HNRNPA2B1: variants seen among roughly 807,000 people sequenced by gnomAD.
The protein encoded by HNRNPA2B1 is heterogeneous nuclear ribonucleoproteins A2/B1.
A neutral mutation model predicts 46.3 loss-of-function variants in HNRNPA2B1; 3 were observed. That is an observed-to-expected ratio of 0.06 (90% confidence interval 0.03 to 0.17). HNRNPA2B1 has a LOEUF of 0.17. HNRNPA2B1 is among the 10% of genes least tolerant of loss of function. The pLI is 1.00. For missense variants in HNRNPA2B1, 221 were observed against 418.9 expected (o/e 0.53, Z 4.12); for synonymous variants, 225 against 133.8 (o/e 1.68, Z -4.70).
rs2128120778 is a variant in HNRNPA2B1, at chr7:26,196,312, T to C, written c.658+89A>G. ...GAAGTCTTAGGAAAATTGACTTAGG[T>C]TGGATTTCTTGATTCTACTAATGAA... On this transcript the variant is annotated intron_variant, in intron 6 of 10. Coordinates refer to ENST00000618183, the MANE Select transcript of HNRNPA2B1 (RefSeq NM_002137.4). 1.4e-5 allele frequency: 15 copies of C among 1,074,994 alleles called. No homozygotes were observed. The South Asian group carries it at 2.1e-4, about 15-fold the overall frequency. The allele number at this position is 1,074,994 out of a possible 1,614,324, so 66.6% of individuals were successfully genotyped here.
intron 7 of HNRNPA2B1, among the ~76,000 whole-genome samples, chr7:26,195,522 T>G (rs1036188126): frequency 6.6e-6 from 1 of 152,212 alleles, no homozygotes; most frequent in African/African-American, 2.4e-5. Flanking sequence ...ACCACCCCCT[T>G]AGGTTTTACT....
intron 7 of HNRNPA2B1, among the ~76,000 whole-genome samples, chr7:26,194,119 G>A (rs776030883): frequency 6.6e-6 from 1 of 152,140 alleles, no homozygotes; most frequent in Non-Finnish European, 1.5e-5. Flanking sequence ...TTCTCGGTTG[G>A]GCACAGTGGC....
At position 26,190,382 on chromosome 7, in the gene HNRNPA2B1, G is replaced by C. The variant is rs1196791620; in HGVS notation, c.*1978C>G. The stretch of plus-strand genomic sequence containing the variant: ...AAGGCACCAACAAGAACTACTTTCA[G>C]ATGGTACAGAATTTCTTATTTCTTG... On this transcript the variant is annotated 3_prime_UTR_variant, in exon 11 of 11. Transcript: ENST00000618183. 1.3e-5 allele frequency: 2 copies of C among 152,604 alleles called. No individual in the cohort carries two copies. Among genetic ancestry groups the C allele is most frequent in the African/African-American group, 4.8e-5 (2 of 41,444 alleles). 9.5% of individuals were successfully genotyped at this position (152,604 alleles called of 1,614,324 possible).
At chr7:26,195,247 G>A (rs909487013) in intron 7 of HNRNPA2B1, among the ~76,000 whole-genome samples, 11 of 151,636 alleles carry the variant, frequency 7.3e-5, no homozygotes, top group African/African-American at 2.4e-4. Context: ...CATGCCTATT[G>A]AGTGGCAACA....
At chr7:26,197,293 A>T in intron 3 of HNRNPA2B1, 22 bp downstream of exon 3, 2 of 1,592,022 alleles carry the variant, frequency 1.3e-6, no homozygotes, top group Non-Finnish European at 1.7e-6. Flanking sequence ...GTTAATGCAC[A>T]AGACAGTCAT....
In HNRNPA2B1 at chr7:26,193,971, T is replaced by C. The variant is rs76558212; in HGVS notation, c.722-277A>G. Among the ~76,000 whole-genome samples, 2,891 of 152,328 alleles carry C rather than the reference T, an allele frequency of 0.019. 81 individuals are homozygous for C. Among genetic ancestry groups the C allele is most frequent in the East Asian group, 0.1 (532 of 5,178 alleles). ...ATCTTAAGTATCTTGAAATACTTCATGTATATTGTGGGTAAGGACTGTGAG... is the reference window on the plus strand; with the variant it reads ...ATCTTAAGTATCTTGAAATACTTCACGTATATTGTGGGTAAGGACTGTGAG... On this transcript the variant is annotated intron_variant, in intron 7 of 10. Transcript: ENST00000618183.
intron 6 of HNRNPA2B1, among the ~76,000 whole-genome samples, chr7:26,196,113 CT>C (rs1322784098): frequency 6.6e-6 from 1 of 152,198 alleles, no homozygotes; most frequent in African/African-American, 2.4e-5. Flanking sequence ...AAGTCTCAAT[CT>C]TAGAGATTCC....
rs1305867367 is a variant in HNRNPA2B1 at position 26,193,367 on chromosome 7, T to A, written c.848A>T (p.Tyr283Phe). ...GGYDNYGGGN[Y>F]GSGNYNDFGN... ...AAAATCATTGTAATTTCCACTTCCA[T>A]AATTTCCTATTAAAAAATTGGAATA... Residue 283 changes from tyrosine to phenylalanine, a missense_variant, in exon 9 of 11, where the codon TAT becomes TTT. Tyr to Phe is a conservative substitution (Grantham distance 22). Around this residue, in one of 2 missense-constraint regions of HNRNPA2B1, gnomAD observed 143 missense variants for 200.5 expected, o/e 0.71. Coordinates refer to ENST00000618183, the MANE Select transcript of HNRNPA2B1 (RefSeq NM_002137.4). 1.9e-6 allele frequency: 3 copies of A among 1,610,124 alleles called. No homozygotes were observed.
At chr7:26,198,121 A>C in intron 1 of HNRNPA2B1, 2 of 343,824 alleles carry the variant, frequency 5.8e-6, no homozygotes, top group Non-Finnish European at 1.0e-5. Flanking sequence ...TCAACCCTAC[A>C]ACCTAAAAAC....
intron 1 of HNRNPA2B1, 139 bp downstream of exon 1, chr7:26,200,433 A>G (rs1280544871): frequency 1.2e-6 from 1 of 860,008 alleles, no homozygotes; most frequent in Non-Finnish European, 2.0e-6. Flanking sequence ...GACCCCGTTC[A>G]TAAACCTTAA....
At chr7:26,200,449 A>G (rs1259021731) in intron 1 of HNRNPA2B1, 123 bp downstream of exon 1, 10 of 939,024 alleles carry the variant, frequency 1.1e-5, no homozygotes, top group African/African-American at 8.0e-5. Context: ...CTTAAGCCCC[A>G]CTGCTACTGA....
rs1782866286 is a variant in HNRNPA2B1 at position 26,191,126 on chromosome 7, A to G, written c.*1234T>C. On this transcript the variant is annotated 3_prime_UTR_variant, in exon 11 of 11. Transcript: ENST00000618183. ...ATATACTTGTCCATGGTTCATATCAATGCTAAAATTCCGGCAGGGAAAAAA... is the reference window on the plus strand; with the variant it reads ...ATATACTTGTCCATGGTTCATATCAGTGCTAAAATTCCGGCAGGGAAAAAA... The G allele has an allele frequency of 6.8e-6, 1 of 146,118 alleles. No individual in the cohort carries two copies. Among genetic ancestry groups the G allele is most frequent in the Non-Finnish European group, 1.5e-5 (1 of 65,996 alleles). The allele number at this position is 146,118 out of a possible 1,614,324, so 9.1% of individuals were successfully genotyped here. A position where few individuals can be genotyped will look rare whatever the true frequency, so the allele number is the denominator to read the frequency against.
At position 26,191,616 on chromosome 7, in the gene HNRNPA2B1, CTT is replaced by C. The variant is rs1414850116; in HGVS notation, c.*742_*743del. On this transcript the variant is annotated 3_prime_UTR_variant, in exon 11 of 11. Transcript: ENST00000618183. ...AAGAGTACCTCGCTGGGGTTATTTCCTTTCCTTGCATTGAAGAAGCAGCATCT... is the reference window on the plus strand; with the variant it reads ...AAGAGTACCTCGCTGGGGTTATTTCCTCCTTGCATTGAAGAAGCAGCATCT... 1.3e-5 allele frequency: 2 copies of C among 152,172 alleles called. No individual in the cohort carries two copies. Among genetic ancestry groups the C allele is most frequent in the African/African-American group, 4.8e-5 (2 of 41,456 alleles). 9.4% of individuals were successfully genotyped at this position (152,172 alleles called of 1,614,324 possible).
rs1184184000 is a variant in HNRNPA2B1 at position 26,200,594 on chromosome 7, T to G, written c.-17A>C. On this transcript the variant is annotated 5_prime_UTR_variant, in exon 1 of 11. Coordinates refer to ENST00000618183, the MANE Select transcript of HNRNPA2B1 (RefSeq NM_002137.4). ...TACCTCCATCGCGGACTCAGTCGCT[T>G]CAGCCCGATTTCCCGCAGCCGAGCG... 6.2e-7 allele frequency: 1 copy of G among 1,613,476 alleles called. No individual in the cohort carries two copies. Among genetic ancestry groups the G allele is most frequent in the East Asian group, 2.2e-5 (1 of 44,894 alleles).
In HNRNPA2B1 at chr7:26,191,510, T is replaced by C. The variant is rs1052021683; in HGVS notation, c.*850A>G. On this transcript the variant is annotated 3_prime_UTR_variant, in exon 11 of 11. Transcript: ENST00000618183. ...CTTATAAACTACTGTAGTTAAAGTT[T>C]TGTAGAAACAGCACAGTTTTTTAAG... The C allele has an allele frequency of 1.3e-5, 2 of 152,208 alleles. No homozygotes were observed. The highest frequency in any genetic ancestry group is 1.9e-4 in the East Asian group (1 of 5,200). 9.4% of individuals were successfully genotyped at this position (152,208 alleles called of 1,614,324 possible). A position where few individuals can be genotyped will look rare whatever the true frequency, so the allele number is the denominator to read the frequency against.
intron 4 of HNRNPA2B1, 49 bp from the exon 5 acceptor site, chr7:26,196,707 G>A (rs201550338): frequency 2.5e-6 from 4 of 1,572,700 alleles, no homozygotes; most frequent in Admixed American, 1.7e-5. Context: ...ACAATATTAA[G>A]CAGCTTCAAA....
At chr7:26,193,880 A>C (rs1268895278) in intron 7 of HNRNPA2B1, among the ~76,000 whole-genome samples, 186 bp from the exon 8 acceptor site, 1 of 152,232 alleles carries the variant, frequency 6.6e-6, no homozygotes, top group Non-Finnish European at 1.5e-5. Flanking sequence ...TACTCAGCCA[A>C]ATGGATAACA....
In HNRNPA2B1 at chr7:26,192,652, T is replaced by G. The variant is rs1315646090; in HGVS notation, c.965-75A>C. 15 of 1,182,342 alleles carry G rather than the reference T, an allele frequency of 1.3e-5. No individual in the cohort carries two copies. The East Asian group carries it at 3.5e-4, about 28-fold the overall frequency. The allele number at this position is 1,182,342 out of a possible 1,614,324, so 73.2% of individuals were successfully genotyped here. ...TGATCAGCCTAACACTACAGTTGAT[T>G]CTATTTTATATCCATCCAGTCTTTT... On this transcript the variant is annotated intron_variant, in intron 9 of 10. Transcript: ENST00000618183.
chr7:26,195,620 A>C, intron 7 of HNRNPA2B1: 1 of 520,526 alleles, frequency 1.9e-6, no homozygotes. Flanking sequence ...AAAAGATGAG[A>C]TACTCTGATG....
Sources: gnomAD v4.1 joint callset for allele counts (sites outside exome capture counted in the v4.1 genomes callset) on GRCh38, gnomAD v4.1.1 for gene constraint, gnomAD v4.1.1 regional missense constraint, MANE v1.5 for transcripts, NCBI Gene and HGNC (gene_info 2026-07-23, HGNC 2026-07-21) for gene names.